Variants in PUM3 observed in about 807,000 individuals in gnomAD.
The protein encoded by PUM3 is pumilio RNA binding family member 3, also known as pumilio homolog 3.
Under a neutral mutation model 84.0 loss-of-function variants are expected in PUM3, and 91 were observed. The observed-to-expected ratio is 1.08, with a 90% CI of 0.91 to 1.29. PUM3 has a LOEUF of 1.29. Among genes scored for constraint, PUM3 ranks in the 50% most tolerant of loss-of-function variants. The pLI, the probability that PUM3 is intolerant of heterozygous loss-of-function variation, is 0.00. For synonymous variants in PUM3, 321 were observed against 266.7 expected (o/e 1.20, Z -1.98); for missense variants, 1,067 against 767.5 (o/e 1.39, Z -4.61).
At chr9:2,838,556 G>T in intron 1 of PUM3, 39 bp from the exon 2 acceptor site, 1 of 1,232,498 alleles carries the variant, frequency 8.1e-7, no homozygotes, top group Non-Finnish European at 1.2e-6. Context: ...AATCACTGCA[G>T]TTCTCTTCAT....
At chr9:2,837,072 A>T (rs1210487976) in intron 3 of PUM3, 108 bp downstream of exon 3, 1 of 951,650 alleles carries the variant, frequency 1.1e-6, no homozygotes, top group African/African-American at 1.6e-5. Context: ...ACCTGTCCCA[A>T]AATGTTACCT....
chr9:2,814,994 G>C (rs1259988715), intron 13 of PUM3, among the ~76,000 whole-genome samples: 2 of 152,094 alleles, frequency 1.3e-5, no homozygotes, highest in East Asian at 3.9e-4. Flanking sequence ...TATGGCTTGG[G>C]CAGAAATGGT....
At chr9:2,824,156 A>G (rs1349339767) in intron 11 of PUM3, among the ~76,000 whole-genome samples, 3 of 152,224 alleles carry the variant, frequency 2.0e-5, no homozygotes, top group African/African-American at 7.2e-5. Flanking sequence ...TGCAGAGTCT[A>G]GCAAACAGTT....
intron 7 of PUM3, 68 bp from the exon 8 acceptor site, chr9:2,830,016 C>G: frequency 7.1e-7 from 1 of 1,409,626 alleles, no homozygotes; most frequent in South Asian, 1.3e-5. Context: ...TAAAACACAA[C>G]TTACTTCTCC....
At chr9:2,841,811 A>G (rs1222169208) in intron 1 of PUM3, among the ~76,000 whole-genome samples, 1 of 152,056 alleles carries the variant, frequency 6.6e-6, no homozygotes, top group Admixed American at 6.5e-5. Context: ...GATTTGTCAC[A>G]GCCTGCATTC....
In PUM3 at chr9:2,830,986, A is replaced by G. The variant is rs1406520999; in HGVS notation, c.653T>C (p.Ile218Thr). 1.1e-5 allele frequency: 16 copies of G among 1,488,314 alleles called. No individual in the cohort carries two copies. The highest frequency in any genetic ancestry group is 1.5e-5 in the Non-Finnish European group (16 of 1,072,990). The allele number at this position is 1,488,314 out of a possible 1,614,324, so 92.2% of individuals were successfully genotyped here. A position where few individuals can be genotyped will look rare whatever the true frequency, so the allele number is the denominator to read the frequency against. The change falls in exon 7 of 18, where the codon ATT (isoleucine) becomes ACT (threonine). Residue 218 changes from isoleucine (I) to threonine (T), a missense_variant. Transcript: ENST00000397885. ...CCCATACATGAGAAATTTCTTAACAATATTTCTCGAATATTTGGCTTTACT... is the reference window on the plus strand; with the variant it reads ...CCCATACATGAGAAATTTCTTAACAGTATTTCTCGAATATTTGGCTTTACT... ...ELSKAKYSRN[I>T]VKKFLMYGSK...
At chr9:2,838,771 G>A (rs114391177) in intron 1 of PUM3, among the ~76,000 whole-genome samples, 1,704 of 152,212 alleles carry the variant, frequency 0.011, 34 homozygotes, top group African/African-American at 0.04. Flanking sequence ...GATATCTCTG[G>A]AGGCATCACT....
intron 12 of PUM3, among the ~76,000 whole-genome samples, chr9:2,822,457 T>C (rs773130058): frequency 4.6e-5 from 7 of 151,944 alleles, no homozygotes; most frequent in Non-Finnish European, 8.8e-5. Flanking sequence ...ATGGGTAACG[T>C]TAGCTTATCA....
intron 16 of PUM3, among the ~76,000 whole-genome samples, chr9:2,808,306 GCTCA>G (rs1215892564): frequency 6.6e-6 from 1 of 152,208 alleles, no homozygotes; most frequent in African/African-American, 2.4e-5. Flanking sequence ...ATGGAGAAAT[GCTCA>G]CTCACAAGGT....
intron 2 of PUM3, 123 bp from the exon 3 acceptor site, chr9:2,837,524 T>C (rs1816160548): frequency 1.6e-6 from 1 of 642,584 alleles, no homozygotes; most frequent in Non-Finnish European, 2.7e-6. Flanking sequence ...CTCTCAAATA[T>C]GCAACATATA....
intron 14 of PUM3, among the ~76,000 whole-genome samples, chr9:2,811,787 A>T (rs564507407): frequency 2.6e-5 from 4 of 151,218 alleles, no homozygotes; most frequent in African/African-American, 9.7e-5. Context: ...CGATCTGAAT[A>T]GTGCCTGGCA....
Position 2,820,038 on chromosome 9 carries a change from C to T in PUM3, c.1249G>A (p.Val417Met). Residue 417 changes from valine (V) to methionine (M), a missense_variant, in exon 13 of 18, where the codon GTG becomes ATG. By Grantham distance (21) the Val-to-Met change is conservative. Transcript: ENST00000397885. ...AFDCIDDTKLVKQIIISEIIS... is the reference protein window; with the variant it reads ...AFDCIDDTKLMKQIIISEIIS... ...CTTACTGATATGATTATCTGCTTCA[C>T]AAGCTTAGTATCATCAATACAATCA... 1 of 1,610,052 alleles carries T rather than the reference C, an allele frequency of 6.2e-7. No individual in the cohort carries two copies. The highest frequency in any genetic ancestry group is 8.5e-7 in the Non-Finnish European group (1 of 1,176,788).
At chr9:2,831,387 TTA>T in intron 5 of PUM3, 43 bp from the exon 6 acceptor site, 1 of 1,231,124 alleles carries the variant, frequency 8.1e-7, no homozygotes, top group Non-Finnish European at 1.2e-6. Flanking sequence ...CTTTTGAGAC[TTA>T]TGTTTCTCAC....
chr9:2,806,932 G>C (rs1364209918), intron 17 of PUM3, among the ~76,000 whole-genome samples: 1 of 152,124 alleles, frequency 6.6e-6, no homozygotes, highest in Non-Finnish European at 1.5e-5. Context: ...ATACAGGCTG[G>C]GCACAGTGGC....
intron 6 of PUM3, 111 bp downstream of exon 6, chr9:2,831,140 G>C: frequency 2.0e-6 from 2 of 991,762 alleles, no homozygotes; most frequent in Non-Finnish European, 3.1e-6. Flanking sequence ...AAAGGATCTG[G>C]AGAAGACAAA....
chr9:2,827,225 A>C, intron 9 of PUM3, 74 bp from the exon 10 acceptor site: 8 of 947,406 alleles, frequency 8.4e-6, no homozygotes, highest in African/African-American at 1.7e-5. Flanking sequence ...GGTAATCTCA[A>C]AGTCCTAAAG....
At chr9:2,807,677 G>T in intron 17 of PUM3, 137 bp downstream of exon 17, 17 of 411,092 alleles carry the variant, frequency 4.1e-5, no homozygotes, top group East Asian at 1.1e-4. Flanking sequence ...TATTTGGTAT[G>T]TTTGTCTAGA....
rs927988914 is a variant in PUM3 at position 2,812,323 on chromosome 9, A to G, written c.1309T>C (p.Tyr437His). 21 of 1,594,930 alleles carry G rather than the reference A, an allele frequency of 1.3e-5. 1 individual carries two copies. Among genetic ancestry groups the G allele is most frequent in the Admixed American group, 1.2e-4 (7 of 59,904 alleles). Residue 437 changes from tyrosine (Y) to histidine (H), a missense_variant, in exon 14 of 18, where the codon TAT becomes CAT. Coordinates refer to ENST00000397885, the MANE Select transcript of PUM3 (RefSeq NM_014878.5). ...SSLPSIVNDK[Y>H]GRKVLLYLLS... ...AAGTACAATAGGACCTTCCTTCCAT[A>G]TTTGTCATTTACTATGCTAGGCAAT...
intron 5 of PUM3, 25 bp from the exon 6 acceptor site, chr9:2,831,369 C>T (rs565422120): frequency 2.1e-6 from 3 of 1,429,620 alleles, no homozygotes; most frequent in African/African-American, 2.8e-5. Flanking sequence ...TTGAGTTAGA[C>T]TAATTCTCTT....
Sources: gnomAD v4.1 joint callset for allele counts (sites outside exome capture counted in the v4.1 genomes callset) on GRCh38, gnomAD v4.1.1 for gene constraint, MANE v1.5 for transcripts, NCBI Gene and HGNC (gene_info 2026-07-23, HGNC 2026-07-21) for gene names.